FAM135A: variants seen among roughly 807,000 people sequenced by gnomAD.
The protein encoded by FAM135A is protein FAM135A.
Under a neutral mutation model 146.8 loss-of-function variants are expected in FAM135A, and 79 were observed. The observed-to-expected ratio is 0.54, with a 90% CI of 0.45 to 0.65. The LOEUF (loss-of-function observed/expected upper bound fraction) is 0.65. Ranked by LOEUF, FAM135A falls within the 30% of genes least tolerant of loss-of-function variation. The pLI, the probability that FAM135A is intolerant of heterozygous loss-of-function variation, is 0.00. For synonymous variants in FAM135A, 562 were observed against 603.6 expected (o/e 0.93, Z 1.01); for missense variants, 1,623 against 1,758.2 (o/e 0.92, Z 1.38).
chr6:70,512,834 G>C (rs1194957666), intron 12 of FAM135A, among the ~76,000 whole-genome samples: 1 of 151,514 alleles, frequency 6.6e-6, no homozygotes, highest in Non-Finnish European at 1.5e-5. Context: ...TAGTACTTTT[G>C]TGTCCTAAGA....
At chr6:70,478,698 C>T (rs899311823) in intron 8 of FAM135A, among the ~76,000 whole-genome samples, 1 of 152,086 alleles carries the variant, frequency 6.6e-6, no homozygotes, top group Non-Finnish European at 1.5e-5. Context: ...ATATATTTCT[C>T]CTGATGACTT....
intron 11 of FAM135A, among the ~76,000 whole-genome samples, chr6:70,491,330 C>G (rs1297451270): frequency 6.6e-6 from 1 of 151,898 alleles, no homozygotes; most frequent in East Asian, 1.9e-4. Context: ...ATTAACTGAT[C>G]AAACAGTACA....
chr6:70,464,539 A>G (rs1264951555), intron 5 of FAM135A, among the ~76,000 whole-genome samples: 4 of 152,150 alleles, frequency 2.6e-5, no homozygotes, highest in Admixed American at 2.0e-4. Context: ...CTTAGCATAC[A>G]CGTTTAGGTC....
At chr6:70,455,414 G>C (rs561540593) in intron 5 of FAM135A, among the ~76,000 whole-genome samples, 1 of 143,412 alleles carries the variant, frequency 7.0e-6, no homozygotes, top group Non-Finnish European at 1.5e-5. Flanking sequence ...ACACACACAC[G>C]TATATATACA....
At chr6:70,418,204 A>G (rs1294520018) in intron 2 of FAM135A, among the ~76,000 whole-genome samples, 16 of 152,318 alleles carry the variant, frequency 1.1e-4, no homozygotes, top group South Asian at 2.1e-4. Context: ...TTAAAATGAG[A>G]TAATGTTTGT....
At chr6:70,464,762 G>A (rs1780106245) in intron 5 of FAM135A, among the ~76,000 whole-genome samples, 2 of 133,834 alleles carry the variant, frequency 1.5e-5, no homozygotes, top group South Asian at 4.7e-4. Context: ...CGTCTTCCCA[G>A]TTCAAGCGAT....
At chr6:70,522,355 A>G (rs1055038474) in intron 12 of FAM135A, among the ~76,000 whole-genome samples, 158 bp from the exon 13 acceptor site, 1 of 152,238 alleles carries the variant, frequency 6.6e-6, no homozygotes, top group Non-Finnish European at 1.5e-5. Context: ...ATGCAGTACA[A>G]AAATACATTG....
chr6:70,452,623 C>CT, intron 5 of FAM135A, 52 bp downstream of exon 5: 1 of 1,375,514 alleles, frequency 7.3e-7, no homozygotes, highest in Non-Finnish European at 9.9e-7. Context: ...TGGTCAATAA[C>CT]TTTTAATAAA....
intron 12 of FAM135A, among the ~76,000 whole-genome samples, chr6:70,512,804 A>T (rs1025337482): frequency 1.3e-5 from 2 of 151,764 alleles, no homozygotes; most frequent in African/African-American, 4.8e-5. Context: ...AGTACAATTT[A>T]TCTTTTTTTC....
intron 11 of FAM135A, among the ~76,000 whole-genome samples, chr6:70,495,704 G>A (rs974625748): frequency 1.3e-5 from 2 of 151,944 alleles, no homozygotes; most frequent in African/African-American, 4.8e-5. Context: ...TTGTTACATA[G>A]GTGTACACGT....
chr6:70,534,309 A>T (rs1049314396), intron 18 of FAM135A, among the ~76,000 whole-genome samples: 1 of 115,228 alleles, frequency 8.7e-6, no homozygotes, highest in Non-Finnish European at 1.8e-5. Flanking sequence ...CAAAGTTTGT[A>T]TACTTTTTTT....
At chr6:70,485,800 T>G (rs1458617263) in intron 10 of FAM135A, among the ~76,000 whole-genome samples, 4 of 152,160 alleles carry the variant, frequency 2.6e-5, no homozygotes, top group Admixed American at 1.3e-4. Flanking sequence ...TGCAGGGAGC[T>G]CTTACTGAAC....
At chr6:70,481,072 A>G in intron 9 of FAM135A, 45 bp downstream of exon 9, 3 of 1,480,252 alleles carry the variant, frequency 2.0e-6, no homozygotes, top group Non-Finnish European at 2.7e-6. Flanking sequence ...ATTTTAAAAG[A>G]AGTGTTTTTA....
intron 5 of FAM135A, among the ~76,000 whole-genome samples, chr6:70,467,415 A>C (rs1308904066): frequency 6.6e-6 from 1 of 152,018 alleles, no homozygotes; most frequent in Non-Finnish European, 1.5e-5. Flanking sequence ...CTGATGGCAC[A>C]TAATGCTGTA....
rs746256854 is a variant in FAM135A at position 70,486,196 on chromosome 6, C to T, written c.823+4042C>T. 4.8e-5 allele frequency: 77 copies of T among 1,613,640 alleles called. 1 individual carries two copies. The highest frequency in any genetic ancestry group is 2.7e-5 in the African/African-American group (2 of 74,874). ...GGCCAACATGCAGCTCCTATATGAG[C>T]GTCTTCTCAGAAGAAAACAGCTACG... On this transcript the variant is annotated intron_variant, in intron 10 of 21. Coordinates refer to ENST00000418814, the MANE Select transcript of FAM135A (RefSeq NM_001162529.3).
chr6:70,448,528 G>A (rs531597950), intron 4 of FAM135A, among the ~76,000 whole-genome samples: 2 of 152,150 alleles, frequency 1.3e-5, no homozygotes, highest in South Asian at 2.1e-4. Context: ...ACCTGGATTC[G>A]AGCCCCCGTG....
intron 4 of FAM135A, among the ~76,000 whole-genome samples, chr6:70,440,892 A>G (rs1205822144): frequency 6.6e-6 from 1 of 152,196 alleles, no homozygotes; most frequent in Non-Finnish European, 1.5e-5. Flanking sequence ...TATTAGCTGG[A>G]ATTCTGTGAA....
intron 12 of FAM135A, among the ~76,000 whole-genome samples, chr6:70,508,642 G>C (rs954690670): frequency 6.6e-6 from 1 of 152,146 alleles, no homozygotes; most frequent in Non-Finnish European, 1.5e-5. Context: ...CAAAGTAACA[G>C]TTGAGTTCAC....
intron 4 of FAM135A, among the ~76,000 whole-genome samples, chr6:70,434,171 A>G (rs1182804407): frequency 6.6e-6 from 1 of 152,232 alleles, no homozygotes; most frequent in Non-Finnish European, 1.5e-5. Context: ...TTCAAAATAC[A>G]TTTGTCAAGA....
Sources: allele counts gnomAD v4.1 joint callset (sites outside exome capture counted in the v4.1 genomes callset), GRCh38; gene constraint gnomAD v4.1.1; transcripts MANE v1.5; gene names NCBI Gene and HGNC (gene_info 2026-07-23, HGNC 2026-07-21).